Variants in BRSK1 observed in about 807,000 individuals in gnomAD.
The protein encoded by BRSK1 is BR serine/threonine kinase 1, also known as serine/threonine-protein kinase BRSK1.
Under a neutral mutation model 86.2 loss-of-function variants are expected in BRSK1, and 17 were observed. That is an observed-to-expected ratio of 0.20 (90% CI 0.14 to 0.30). The LOEUF (loss-of-function observed/expected upper bound fraction) is 0.30. Among genes scored for constraint, BRSK1 ranks in the 10% least tolerant of loss-of-function variants. The probability of loss-of-function intolerance (pLI) is 1.00; values close to 1 mark genes in which losing one functional copy is unlikely to be tolerated. For missense variants in BRSK1, 719 were observed against 1,071.9 expected (o/e 0.67, Z 4.60); for synonymous variants, 464 against 440.1 (o/e 1.05, Z -0.68).
At chr19:55,299,533 C>A (rs1243655022) in intron 7 of BRSK1, among the ~76,000 whole-genome samples, 1 of 151,798 alleles carries the variant, frequency 6.6e-6, no homozygotes, top group Non-Finnish European at 1.5e-5. Flanking sequence ...TTACAGGCGC[C>A]CGCCACTTTG....
At chr19:55,308,581 A>G in intron 17 of BRSK1, 58 bp from the exon 18 acceptor site, 3 of 1,324,868 alleles carry the variant, frequency 2.3e-6, no homozygotes, top group Non-Finnish European at 3.2e-6. Context: ...GCAGGCTGGG[A>G]CGGCCTTCCC....
rs535058748 is a variant in BRSK1, at chr19:55,300,021, C to T, written c.679-1491C>T. 6.4e-4 allele frequency among the ~76,000 whole-genome samples: 97 copies of T among 152,260 alleles called. No individual in the cohort carries two copies. In the South Asian group the frequency reaches 0.013, roughly 21 times the overall value. ...CCTGGTGATTGGAAGCATTCCCTCC[C>T]GTCCCGTATGATACGTTCGCTTGTT... is the stretch of plus-strand genomic sequence containing the variant. On this transcript the variant is annotated intron_variant, in intron 7 of 18. Coordinates refer to ENST00000309383, the MANE Select transcript of BRSK1 (RefSeq NM_032430.2).
chr19:55,305,395 T>A, intron 15 of BRSK1, 26 bp downstream of exon 15: 1 of 1,613,926 alleles, frequency 6.2e-7, no homozygotes, highest in East Asian at 2.2e-5. Flanking sequence ...AAGGAAAGAG[T>A]GGGGATGCAG....
chr19:55,298,003 T>C (rs1332701242), intron 7 of BRSK1, among the ~76,000 whole-genome samples: 2 of 151,756 alleles, frequency 1.3e-5, no homozygotes, highest in African/African-American at 4.8e-5. Flanking sequence ...TTAGTAGAGA[T>C]GGGGTTTCTC....
At chr19:55,296,663 G>C (rs563833402) in intron 7 of BRSK1, among the ~76,000 whole-genome samples, 2 of 152,160 alleles carry the variant, frequency 1.3e-5, no homozygotes, top group African/African-American at 4.8e-5. Flanking sequence ...TGGCTAACGT[G>C]GTGAAACCCC....
At position 55,287,373 on chromosome 19, in the gene BRSK1, C is replaced by A; in HGVS notation, c.317+74C>A. The A allele has an allele frequency of 2.1e-6, 3 of 1,454,176 alleles. No individual in the cohort carries two copies. Among genetic ancestry groups the A allele is most frequent in the Non-Finnish European group, 2.9e-6 (3 of 1,038,960 alleles). 90.1% of individuals were successfully genotyped at this position (1,454,176 alleles called of 1,614,324 possible). A position where few individuals can be genotyped will look rare whatever the true frequency, so the allele number is the denominator to read the frequency against. On this transcript the variant is annotated intron_variant, in intron 3 of 18. Transcript: ENST00000309383. This position sits in a 1 kb window ranked among gnomAD's most constrained non-coding sequence, Gnocchi z 5.3. ...TACCAGGGTGGGACTTCTCCAGAAA[C>A]AGGGCCTAGGGGGACCTGGGGGACC... is the stretch of plus-strand genomic sequence containing the variant.
At position 55,304,017 on chromosome 19, in the gene BRSK1, GA is replaced by G; in HGVS notation, c.1287-32del. The G allele has an allele frequency of 6.5e-7, 1 of 1,539,366 alleles. No individual in the cohort carries two copies. Among genetic ancestry groups the G allele is most frequent in the Non-Finnish European group, 8.8e-7 (1 of 1,132,118 alleles). ...TGTGGTTTTTGAAACCCTCCCATCT[GA>G]TTTTTTTTTTTTAAATCTATCCTGG... On this transcript the variant is annotated intron_variant, in intron 12 of 18. Coordinates refer to ENST00000309383, the MANE Select transcript of BRSK1 (RefSeq NM_032430.2). This position sits in a 1 kb window ranked among gnomAD's most constrained non-coding sequence, Gnocchi z 5.2.
In BRSK1 at chr19:55,284,393, G is replaced by A; in HGVS notation, c.-50G>A. The A allele has an allele frequency of 9.1e-7, 1 of 1,093,464 alleles. No individual in the cohort carries two copies. The highest frequency in any genetic ancestry group is 1.2e-6 in the Non-Finnish European group (1 of 850,820). The allele number at this position is 1,093,464 out of a possible 1,614,324, so 67.7% of individuals were successfully genotyped here. On this transcript the variant is annotated 5_prime_UTR_variant, in exon 1 of 19. Coordinates refer to ENST00000309383, the MANE Select transcript of BRSK1 (RefSeq NM_032430.2). ...CCCCCACCGGAGAGACGGGGCGACG[G>A]CCGCAGGGGGGGCGGCCGGGGGACC...
intron 1 of BRSK1, among the ~76,000 whole-genome samples, chr19:55,285,631 G>A (rs1253145430): frequency 6.6e-6 from 1 of 152,176 alleles, no homozygotes; most frequent in Non-Finnish European, 1.5e-5. Flanking sequence ...AAGGTGGGCT[G>A]CAGCAGGCGC....
rs2088616971 is a variant in BRSK1 at position 55,304,470 on chromosome 19, G to T, written c.1348-81G>T. ...CAGCATGCACCGGGCCAGCGTCCGT[G>T]AGTGTGCGTGTGAGTGGGGCTCCTA... On this transcript the variant is annotated intron_variant, in intron 13 of 18. Transcript: ENST00000309383. The surrounding 1 kb of genome is among the most constrained non-coding windows in gnomAD (Gnocchi z 5.2). 9 of 1,436,704 alleles carry T rather than the reference G, an allele frequency of 6.3e-6. No individual in the cohort carries two copies. The South Asian group carries it at 1.3e-4, about 21-fold the overall frequency. 89.0% of individuals were successfully genotyped at this position (1,436,704 alleles called of 1,614,324 possible). A position where few individuals can be genotyped will look rare whatever the true frequency, so the allele number is the denominator to read the frequency against.
chr19:55,299,531 G>T (rs964841158), intron 7 of BRSK1, among the ~76,000 whole-genome samples: 2 of 151,514 alleles, frequency 1.3e-5, no homozygotes, highest in African/African-American at 2.4e-5. Context: ...GATTACAGGC[G>T]CCCGCCACTT....
chr19:55,284,967 G>A (rs1348925169), intron 1 of BRSK1, among the ~76,000 whole-genome samples: 1 of 150,000 alleles, frequency 6.7e-6, no homozygotes, highest in Non-Finnish European at 1.5e-5. Context: ...GAGGCTGGTG[G>A]CCTGCACTCC....
In BRSK1 at chr19:55,304,456, G is replaced by A; in HGVS notation, c.1348-95G>A. On this transcript the variant is annotated intron_variant, in intron 13 of 18. Transcript: ENST00000309383. This position sits in a 1 kb window ranked among gnomAD's most constrained non-coding sequence, Gnocchi z 5.2. Reference sequence around the variant, plus strand: ...TGGACTACAAGTTGCAGCATGCACCGGGCCAGCGTCCGTGAGTGTGCGTGT... The same window carrying A: ...TGGACTACAAGTTGCAGCATGCACCAGGCCAGCGTCCGTGAGTGTGCGTGT... 4 of 1,374,198 alleles carry A rather than the reference G, an allele frequency of 2.9e-6. No individual in the cohort carries two copies. The highest frequency in any genetic ancestry group is 1.5e-5 in the South Asian group (1 of 65,652). The allele number at this position is 1,374,198 out of a possible 1,614,324, so 85.1% of individuals were successfully genotyped here.
rs1246245349 is a variant in BRSK1 at position 55,284,271 on chromosome 19, T to C, written c.-172T>C. The C allele has an allele frequency of 3.9e-6, 2 of 513,702 alleles. No individual in the cohort carries two copies. Among genetic ancestry groups the C allele is most frequent in the Non-Finnish European group, 2.9e-6 (1 of 340,470 alleles). 31.8% of individuals were successfully genotyped at this position (513,702 alleles called of 1,614,324 possible). Reference sequence around the variant, plus strand: ...CCGGGCCAGCCCCCCCTCCCCCAGCTCCGCGGCCCGCCGACTGGGGGGGGC... The same window carrying C: ...CCGGGCCAGCCCCCCCTCCCCCAGCCCCGCGGCCCGCCGACTGGGGGGGGC... On this transcript the variant is annotated 5_prime_UTR_variant, in exon 1 of 19. Transcript: ENST00000309383.
rs115531405 is a variant in BRSK1 at position 55,292,124 on chromosome 19, C to A, written c.459-1893C>A. ...CAAAACCCTGATATTGAAACCCTGG[C>A]CTCTAGGGGGAGATATTCAACGTAT... On this transcript the variant is annotated intron_variant, in intron 4 of 18. Transcript: ENST00000309383. 4.4e-3 allele frequency among the ~76,000 whole-genome samples: 675 copies of A among 152,206 alleles called. 5 individuals carry two copies. Among genetic ancestry groups the A allele is most frequent in the African/African-American group, 0.016 (649 of 41,528 alleles).
In BRSK1 at chr19:55,312,165, G is replaced by C. The variant is rs1301394769; in HGVS notation, c.*97G>C. ...ATAAGGCCCAAGGAACATGTCGGGA[G>C]GGGGGTGGACACAAAAACCGGCCTT... On this transcript the variant is annotated 3_prime_UTR_variant, in exon 19 of 19. Coordinates refer to ENST00000309383, the MANE Select transcript of BRSK1 (RefSeq NM_032430.2). 3.4e-6 allele frequency: 2 copies of C among 585,524 alleles called. No homozygotes were observed. The highest frequency in any genetic ancestry group is 5.8e-6 in the Non-Finnish European group (2 of 347,456). The allele number at this position is 585,524 out of a possible 1,614,324, so 36.3% of individuals were successfully genotyped here.
intron 7 of BRSK1, among the ~76,000 whole-genome samples, chr19:55,301,095 C>T (rs1314497725): frequency 1.3e-5 from 2 of 152,254 alleles, no homozygotes; most frequent in African/African-American, 4.8e-5. Context: ...GCTCCCATTG[C>T]ACCTCCTGGG....
chr19:55,299,216 A>G (rs953501039), intron 7 of BRSK1, among the ~76,000 whole-genome samples: 1 of 152,186 alleles, frequency 6.6e-6, no homozygotes, highest in African/African-American at 2.4e-5. Context: ...TGACTGGTTG[A>G]CAAAAATGTG....
Position 55,310,900 on chromosome 19 carries a change from A to G in BRSK1, c.2180-1011A>G, listed in dbSNP as rs977748032. On this transcript the variant is annotated intron_variant, in intron 18 of 18. Coordinates refer to ENST00000309383, the MANE Select transcript of BRSK1 (RefSeq NM_032430.2). This position sits in a 1 kb window ranked among gnomAD's most constrained non-coding sequence, Gnocchi z 5.0. ...GGGCTCAGCCACCATCTCATAAAGG[A>G]GAATGGGGTGGGGGGTGCAGGCCTC... 6.6e-6 allele frequency among the ~76,000 whole-genome samples: 1 copy of G among 151,988 alleles called. No individual in the cohort carries two copies. The highest frequency in any genetic ancestry group is 2.4e-5 in the African/African-American group (1 of 41,384).
Sources: allele counts gnomAD v4.1 joint callset (sites outside exome capture counted in the v4.1 genomes callset), GRCh38; gene constraint gnomAD v4.1.1; non-coding constraint Gnocchi (gnomAD v3.1); transcripts MANE v1.5; gene names NCBI Gene and HGNC (gene_info 2026-07-23, HGNC 2026-07-21).